Variants in RMDN2 observed in about 807,000 individuals in gnomAD.
RMDN2 encodes the protein regulator of microtubule dynamics 2, also known as regulator of microtubule dynamics protein 2.
In RMDN2, 61 loss-of-function variants were observed where a neutral mutation model predicts 52.8. The ratio of observed to expected loss-of-function variants is 1.16; its 90% CI spans 0.94 to 1.43. The LOEUF (loss-of-function observed/expected upper bound fraction) is 1.43. Ranked by LOEUF, RMDN2 falls within the 40% of genes most tolerant of loss-of-function variation. The pLI is 0.00. For missense variants in RMDN2, 592 were observed against 475.3 expected (o/e 1.25, Z -2.28); for synonymous variants, 180 against 153.1 (o/e 1.18, Z -1.30).
At chr2:38,062,793 G>A (rs1243904020) in intron 10 of RMDN2, among the ~76,000 whole-genome samples, 1 of 88,038 alleles carries the variant, frequency 1.1e-5, no homozygotes, top group African/African-American at 4.1e-5. Flanking sequence ...ACAGTCCCCA[G>A]TGTGTGATGT....
At chr2:38,047,809 A>G (rs1265782846) in intron 10 of RMDN2, among the ~76,000 whole-genome samples, 3 of 152,342 alleles carry the variant, frequency 2.0e-5, no homozygotes, top group Non-Finnish European at 2.9e-5. Flanking sequence ...TGAAGTCTTT[A>G]TGGCAGATAT....
In RMDN2 at chr2:38,006,483, A is replaced by C. The variant is rs553712371; in HGVS notation, c.1179+2267A>C. Among the ~76,000 whole-genome samples, 4 of 152,196 alleles carry C rather than the reference A, an allele frequency of 2.6e-5. No individual in the cohort carries two copies. In the East Asian group the frequency reaches 5.8e-4, roughly 22 times the overall value. On this transcript the variant is annotated intron_variant, in intron 10 of 10. Transcript: ENST00000354545. ...TTGAAGCAATTGTGAATGGGAGTTC[A>C]CTCATGATTTGGCTCTCTGTTTGTC...
intron 2 of RMDN2, chr2:37,951,381 A>G: frequency 6.2e-7 from 1 of 1,613,378 alleles, no homozygotes; most frequent in South Asian, 1.1e-5. Flanking sequence ...ACATAAAGTC[A>G]ATGCAGCCAA....
At chr2:37,948,466 G>C (rs1668408580) in intron 2 of RMDN2, among the ~76,000 whole-genome samples, 1 of 152,114 alleles carries the variant, frequency 6.6e-6, no homozygotes, top group Non-Finnish European at 1.5e-5. Flanking sequence ...CATAGGGCAT[G>C]ATAAAAGCAG....
intron 2 of RMDN2, among the ~76,000 whole-genome samples, chr2:37,947,100 G>C (rs1668283345): frequency 6.6e-6 from 1 of 151,992 alleles, no homozygotes; most frequent in Non-Finnish European, 1.5e-5. Context: ...ATGCAGTTCT[G>C]TTACATGGTT....
chr2:37,950,863 C>G (rs1303053534), intron 2 of RMDN2, among the ~76,000 whole-genome samples: 1 of 152,098 alleles, frequency 6.6e-6, no homozygotes, highest in African/African-American at 2.4e-5. Context: ...TGGTTTATTA[C>G]CTTTAAAACC....
At chr2:38,046,631 GA>G (rs1174253687) in intron 10 of RMDN2, among the ~76,000 whole-genome samples, 2 of 151,850 alleles carry the variant, frequency 1.3e-5, no homozygotes, top group Non-Finnish European at 1.5e-5. Context: ...AGCAACAAGA[GA>G]AAAAAAGACT....
intron 2 of RMDN2, among the ~76,000 whole-genome samples, chr2:37,957,867 T>C (rs1435718597): frequency 6.6e-6 from 1 of 152,216 alleles, no homozygotes. Context: ...TGCATATGGC[T>C]AGCCAGTTTT....
At chr2:38,039,530 T>A (rs1297430634) in intron 10 of RMDN2, among the ~76,000 whole-genome samples, 1 of 152,228 alleles carries the variant, frequency 6.6e-6, no homozygotes, top group Non-Finnish European at 1.5e-5. Context: ...ATGGGAACAT[T>A]CACCCTCGCC....
chr2:37,966,835 T>A (rs888572285), intron 2 of RMDN2, among the ~76,000 whole-genome samples: 6 of 152,210 alleles, frequency 3.9e-5, no homozygotes, highest in Admixed American at 6.5e-5. Context: ...AAGCTTATGC[T>A]AACTCACCAT....
chr2:37,941,292 G>A (rs1056205092), intron 2 of RMDN2, among the ~76,000 whole-genome samples: 1 of 152,116 alleles, frequency 6.6e-6, no homozygotes, highest in African/African-American at 2.4e-5. Flanking sequence ...GCACCCGCCA[G>A]ATGTCGACTG....
intron 10 of RMDN2, among the ~76,000 whole-genome samples, chr2:38,051,404 T>G (rs1277275266): frequency 6.6e-6 from 1 of 152,184 alleles, no homozygotes; most frequent in African/African-American, 2.4e-5. Flanking sequence ...TTTTAGTTTT[T>G]TATCTATTCG....
chr2:38,017,179 T>C lies in RMDN2; in HGVS notation c.1180-7T>C. On this transcript the variant is annotated splice_polypyrimidine_tract_variant and splice_region_variant and intron_variant, in intron 10 of 10. Coordinates refer to ENST00000354545, the MANE Select transcript of RMDN2 (RefSeq NM_001170791.3). ...AATTTCATTATGTATTTGTATTTTC[T>C]TTATAGGATAAAGAGGCACAGAAAG... 6.6e-7 allele frequency: 1 copy of C among 1,504,670 alleles called. No individual in the cohort carries two copies. The highest frequency in any genetic ancestry group is 9.0e-7 in the Non-Finnish European group (1 of 1,117,134). 93.2% of individuals were successfully genotyped at this position (1,504,670 alleles called of 1,614,324 possible).
Position 37,997,310 on chromosome 2 carries a change from AC to A in RMDN2, c.946-105del, listed in dbSNP as rs373655758. ...TCATTTGTATATGTTATATCTATAC[AC>A]ACACACACGTATATACACATAACAC... On this transcript the variant is annotated intron_variant, in intron 7 of 10. Coordinates refer to ENST00000354545, the MANE Select transcript of RMDN2 (RefSeq NM_001170791.3). 1.8e-3 allele frequency: 1,313 copies of A among 736,670 alleles called. 13 individuals carry two copies. The African/African-American group carries it at 0.021, about 12-fold the overall frequency. The allele number at this position is 736,670 out of a possible 1,614,324, so 45.6% of individuals were successfully genotyped here. A position where few individuals can be genotyped will look rare whatever the true frequency, so the allele number is the denominator to read the frequency against.
At chr2:37,968,355 A>G (rs1191525072) in intron 2 of RMDN2, among the ~76,000 whole-genome samples, 4 of 147,838 alleles carry the variant, frequency 2.7e-5, no homozygotes, top group Non-Finnish European at 5.9e-5. Flanking sequence ...CAGGAGAATC[A>G]CTTGAACCCG....
chr2:37,990,958 C>T (rs948694323), intron 6 of RMDN2, among the ~76,000 whole-genome samples: 4 of 152,100 alleles, frequency 2.6e-5, no homozygotes, highest in Admixed American at 6.5e-5. Context: ...CATATGACTT[C>T]GGTGTTTTCA....
chr2:37,987,364 A>T (rs2125121105), intron 5 of RMDN2, among the ~76,000 whole-genome samples: 1 of 152,308 alleles, frequency 6.6e-6, no homozygotes, highest in Admixed American at 6.5e-5. Flanking sequence ...GGCTAAACAG[A>T]AATGAGCTAT....
chr2:37,965,248 G>A (rs1027178528), intron 2 of RMDN2, among the ~76,000 whole-genome samples: 12 of 151,416 alleles, frequency 7.9e-5, no homozygotes, highest in African/African-American at 2.9e-4. Flanking sequence ...GATAGGAAAG[G>A]ACTTATTATT....
intron 10 of RMDN2, among the ~76,000 whole-genome samples, chr2:38,040,372 C>T (rs976339292): frequency 6.6e-6 from 1 of 152,078 alleles, no homozygotes; most frequent in Non-Finnish European, 1.5e-5. Flanking sequence ...GAAGTGGGGC[C>T]TTTGGAGAGT....
Sources: allele counts gnomAD v4.1 joint callset (sites outside exome capture counted in the v4.1 genomes callset), GRCh38; gene constraint gnomAD v4.1.1; transcripts MANE v1.5; gene names NCBI Gene and HGNC (gene_info 2026-07-23, HGNC 2026-07-21).